Variants in RASGEF1B observed in about 807,000 individuals in gnomAD.
RASGEF1B encodes the protein RasGEF domain family member 1B, also known as ras-GEF domain-containing family member 1B.
A neutral mutation model predicts 65.7 loss-of-function variants in RASGEF1B; 30 were observed. The observed-to-expected ratio is 0.46, with a 90% CI of 0.34 to 0.62. The LOEUF (loss-of-function observed/expected upper bound fraction) is 0.62. Among genes scored for constraint, RASGEF1B ranks in the 20% least tolerant of loss-of-function variants. The pLI is 0.01. For missense variants in RASGEF1B, 495 were observed against 580.1 expected (o/e 0.85, Z 1.51); for synonymous variants, 175 against 194.8 (o/e 0.90, Z 0.85).
intron 13 of RASGEF1B, among the ~76,000 whole-genome samples, chr4:81,430,182 T>G (rs936113694): frequency 6.6e-6 from 1 of 152,098 alleles, no homozygotes; most frequent in Non-Finnish European, 1.5e-5. Context: ...GCGCCTGTAG[T>G]CCCAGCTGCT....
At chr4:81,452,310 A>G (rs925393107) in intron 4 of RASGEF1B, 1 of 152,202 alleles carries the variant, frequency 6.6e-6, no homozygotes, top group African/African-American at 2.4e-5. Flanking sequence ...GGGTTTCTCC[A>G]TGGTGGTCAG....
chr4:81,431,397 T>A (rs1560692075), intron 13 of RASGEF1B, among the ~76,000 whole-genome samples: 1 of 152,010 alleles, frequency 6.6e-6, no homozygotes. Flanking sequence ...AAGGAACATC[T>A]CCAATCCTTC....
chr4:81,431,874 T>C (rs1332053990), intron 13 of RASGEF1B, among the ~76,000 whole-genome samples: 1 of 152,198 alleles, frequency 6.6e-6, no homozygotes, highest in African/African-American at 2.4e-5. Flanking sequence ...AAGAGGGGAC[T>C]GAGATCCACT....
intron 1 of RASGEF1B, among the ~76,000 whole-genome samples, chr4:81,459,743 A>G (rs1378526680): frequency 6.6e-6 from 1 of 152,176 alleles, no homozygotes; most frequent in Non-Finnish European, 1.5e-5. Context: ...ATATCATACA[A>G]TGCTTAGACT....
At chr4:81,446,993 T>C (rs1321380005) in intron 6 of RASGEF1B, among the ~76,000 whole-genome samples, 2 of 152,176 alleles carry the variant, frequency 1.3e-5, no homozygotes, top group Non-Finnish European at 2.9e-5. Context: ...GATTTGACAG[T>C]CCCTGCCCAG....
At position 81,427,745 on chromosome 4, in the gene RASGEF1B, A is replaced by AGCAG. The variant is rs1560689825; in HGVS notation, c.*19_*22dup. 6.2e-7 allele frequency: 1 copy of AGCAG among 1,613,530 alleles called. No homozygotes were observed. The highest frequency in any genetic ancestry group is 1.1e-5 in the South Asian group (1 of 91,046). On this transcript the variant is annotated 3_prime_UTR_variant, in exon 14 of 14. Transcript: ENST00000264400. ...ATGATCTGCAGGAAGCAGCAGCAGC[A>AGCAG]GCAGGCAGGCAGCTCCCATGTGTTA...
At position 81,442,337 on chromosome 4, in the gene RASGEF1B, GT is replaced by G. The variant is rs765006689; in HGVS notation, c.967del (p.Thr323LeufsTer5). 3.7e-6 allele frequency: 6 copies of G among 1,612,238 alleles called. No homozygotes were observed. The highest frequency in any genetic ancestry group is 5.1e-6 in the Non-Finnish European group (6 of 1,178,576). On this transcript the variant is annotated frameshift_variant, in exon 9 of 14. Coordinates refer to ENST00000264400, the MANE Select transcript of RASGEF1B (RefSeq NM_152545.3). LOFTEE classifies it high-confidence loss of function. ...NMSPVSRLKK[T>X]WAKVKTAKFD... ...TTTTGCAGTCTTCACTTTGGCCCAA[GT>G]TTTTTTTAGTCGAGAGACTGGGCTC... is the stretch of plus-strand genomic sequence containing the variant.
chr4:81,456,127 T>A (rs893810975), intron 4 of RASGEF1B: 4 of 197,668 alleles, frequency 2.0e-5, no homozygotes, highest in African/African-American at 9.3e-5. Context: ...ACCTGGAACT[T>A]AAACTCATAC....
intron 4 of RASGEF1B, chr4:81,452,357 G>C (rs1203139645): frequency 6.6e-6 from 1 of 152,250 alleles, no homozygotes; most frequent in Non-Finnish European, 1.5e-5. Flanking sequence ...TGATCTGCCT[G>C]CTTCAGCCTC....
rs912423842 is a variant in RASGEF1B at position 81,445,432 on chromosome 4, G to A, written c.928+94C>T. ...AACTCTGGATTAAAAAATACAGTCT[G>A]TACTAACAAAACCATACTATTTGCA... On this transcript the variant is annotated intron_variant, in intron 8 of 13. Coordinates refer to ENST00000264400, the MANE Select transcript of RASGEF1B (RefSeq NM_152545.3). 19 of 885,516 alleles carry A rather than the reference G, an allele frequency of 2.1e-5. No homozygotes were observed. The Admixed American group carries it at 3.6e-4, about 17-fold the overall frequency. The allele number at this position is 885,516 out of a possible 1,614,324, so 54.9% of individuals were successfully genotyped here.
rs1307320230 is a variant in RASGEF1B at position 81,448,132 on chromosome 4, C to T, written c.591G>A (p.Arg197=). 6.2e-7 allele frequency: 1 copy of T among 1,614,008 alleles called. No homozygotes were observed. The highest frequency in any genetic ancestry group is 1.1e-5 in the South Asian group (1 of 91,080). Reference sequence around the variant, plus strand: ...GGTCGTTGCAGACAGTAATGATATCCCTTTGTATAGACTGTGGCTTGGTCT... The same window carrying T: ...GGTCGTTGCAGACAGTAATGATATCTCTTTGTATAGACTGTGGCTTGGTCT... ...VLKTKPQSIQ[R]DIITVCNDPY... The change falls in exon 5 of 14, where the codon AGG becomes AGA. Residue 197 remains arginine (R), a synonymous_variant. Transcript: ENST00000264400.
rs1392161309 is a variant in RASGEF1B, at chr4:81,447,555, T to C, written c.678A>G (p.Pro226=). 6 of 1,613,884 alleles carry C rather than the reference T, an allele frequency of 3.7e-6. No homozygotes were observed. Among genetic ancestry groups the C allele is most frequent in the Non-Finnish European group, 5.1e-6 (6 of 1,179,940 alleles). Residue 226 remains proline, a synonymous_variant, in exon 6 of 14, where the codon CCA becomes CCG. Coordinates refer to ENST00000264400, the MANE Select transcript of RASGEF1B (RefSeq NM_152545.3). ...GCACGAACGCCTGAACAAATTCTTC[T>C]GGCCCAATATAATTGAGCCTCTCCT... ...IELERLNYIG[P]EEFVQAFVQK...
At position 81,447,532 on chromosome 4, in the gene RASGEF1B, A is replaced by G; in HGVS notation, c.701T>C (p.Val234Ala). Residue 234 changes from valine (V) to alanine (A), a missense_variant, in exon 6 of 14, where the codon GTG becomes GCG. Physicochemically the swap from Val to Ala is moderately conservative, Grantham distance 64. Coordinates refer to ENST00000264400, the MANE Select transcript of RASGEF1B (RefSeq NM_152545.3). ...GTCATTATCCAAAGGGTCCTTCTGC[A>G]CGAACGCCTGAACAAATTCTTCTGG... ...IGPEEFVQAF[V>A]QKDPLDNDKS... The G allele has an allele frequency of 6.2e-7, 1 of 1,614,064 alleles. No homozygotes were observed. Among genetic ancestry groups the G allele is most frequent in the Non-Finnish European group, 8.5e-7 (1 of 1,179,980 alleles).
chr4:81,442,395 G>T lies in RASGEF1B; in HGVS notation c.929-19C>A. The T allele has an allele frequency of 1.3e-6, 2 of 1,538,536 alleles. No individual in the cohort carries two copies. Among genetic ancestry groups the T allele is most frequent in the Non-Finnish European group, 1.8e-6 (2 of 1,113,596 alleles). ...ATACCAGCTTCCCATTTGAAATGGA[G>T]GGGGAGAAAAAAGGAAAATTGAAAG... On this transcript the variant is annotated intron_variant, in intron 8 of 13. Coordinates refer to ENST00000264400, the MANE Select transcript of RASGEF1B (RefSeq NM_152545.3).
intron 6 of RASGEF1B, 88 bp from the exon 7 acceptor site, chr4:81,445,926 C>T: frequency 1.1e-6 from 1 of 911,252 alleles, no homozygotes. Context: ...CCTTTAGTCT[C>T]AGTTTATGGA....
Position 81,429,580 on chromosome 4 carries a change from C to T in RASGEF1B, c.1398-1788G>A, listed in dbSNP as rs558694040. On this transcript the variant is annotated intron_variant, in intron 13 of 13. Coordinates refer to ENST00000264400, the MANE Select transcript of RASGEF1B (RefSeq NM_152545.3). ...CCCAAGACCACCCTGGCCCACCACG[C>T]CCCCATCTTGGGCCTATAAAAACCC... 4.2e-3 allele frequency among the ~76,000 whole-genome samples: 636 copies of T among 152,286 alleles called. 7 individuals are homozygous for T. Among genetic ancestry groups the T allele is most frequent in the African/African-American group, 0.014 (601 of 41,556 alleles).
intron 10 of RASGEF1B, among the ~76,000 whole-genome samples, chr4:81,438,791 C>T (rs766065293): frequency 2.2e-5 from 3 of 138,354 alleles, no homozygotes; most frequent in Non-Finnish European, 4.5e-5. Flanking sequence ...TCTCATTGTT[C>T]AACTCCCACT....
chr4:81,459,559 A>C, intron 1 of RASGEF1B, 45 bp from the exon 2 acceptor site: 1 of 1,414,854 alleles, frequency 7.1e-7, no homozygotes, highest in Non-Finnish European at 9.6e-7. Flanking sequence ...AGCAATATGC[A>C]GTATGAAAAT....
chr4:81,435,887 C>A (rs1474736150), intron 10 of RASGEF1B, among the ~76,000 whole-genome samples: 1 of 148,730 alleles, frequency 6.7e-6, no homozygotes. Flanking sequence ...CTCAAGCAAT[C>A]CTCTAGCCTC....
Sources: gnomAD v4.1 joint callset for allele counts (sites outside exome capture counted in the v4.1 genomes callset) on GRCh38, gnomAD v4.1.1 for gene constraint, MANE v1.5 for transcripts, NCBI Gene and HGNC (gene_info 2026-07-23, HGNC 2026-07-21) for gene names.